ZNF616: variants seen among roughly 807,000 people sequenced by gnomAD.
The protein encoded by ZNF616 is zinc finger protein 616.
ZNF616 carries 5 observed loss-of-function variants against 7.6 expected under a neutral mutation model. The observed-to-expected ratio is 0.66, with a 90% CI of 0.34 to 1.38. The LOEUF (loss-of-function observed/expected upper bound fraction) is 1.38. ZNF616 is among the 40% of genes most tolerant of loss of function. ZNF616 has a pLI of 0.04. For synonymous variants in ZNF616, 319 were observed against 317.2 expected (o/e 1.01, Z -0.06); for missense variants, 913 against 948.3 (o/e 0.96, Z 0.49).
In ZNF616 at chr19:52,115,226, G is replaced by C. The variant is rs1484643320; in HGVS notation, c.1938C>G (p.Val646=). The change falls in exon 4 of 4, where the codon GTC becomes GTG. Residue 646 remains valine (V), a synonymous_variant. Coordinates refer to ENST00000600228, the MANE Select transcript of ZNF616 (RefSeq NM_178523.5). ...NQCGNSFSQR[V]HLRLHQTVHT... ...GAACAGTCTGATGAAGTCTAAGATG[G>C]ACACGCTGACTAAAGGAATTCCCAC... The C allele has an allele frequency of 1.2e-6, 2 of 1,614,098 alleles. No individual in the cohort carries two copies. The highest frequency in any genetic ancestry group is 4.5e-5 in the East Asian group (2 of 44,864).
At position 52,133,075 on chromosome 19, in the gene ZNF616, T is replaced by C. The variant is rs552766581; in HGVS notation, c.-76-2487A>G. On this transcript the variant is annotated intron_variant, in intron 1 of 3. Transcript: ENST00000600228. The stretch of plus-strand genomic sequence containing the variant: ...TTGGATTTAGAAATGGGGAGGTCAC[T>C]GGTGACTCTGAAAAATAAAGTTATC... Among the ~76,000 whole-genome samples, 4 of 152,334 alleles carry C rather than the reference T, an allele frequency of 2.6e-5. No homozygotes were observed. The South Asian group carries it at 8.3e-4, about 32-fold the overall frequency.
chr19:52,123,409 G>A (rs2088879822), intron 3 of ZNF616, among the ~76,000 whole-genome samples: 4 of 152,044 alleles, frequency 2.6e-5, no homozygotes, highest in African/African-American at 7.2e-5. Flanking sequence ...CAGCACTCTG[G>A]GGTGCCAAGA....
At chr19:52,127,060 T>TC (rs2088915176) in intron 2 of ZNF616, among the ~76,000 whole-genome samples, 1 of 146,900 alleles carries the variant, frequency 6.8e-6, no homozygotes, top group Non-Finnish European at 1.5e-5. Context: ...ATGTGGGAAT[T>TC]TTTTTTTTTT....
Position 52,139,446 on chromosome 19 carries a change from T to C in ZNF616, c.-77+286A>G, listed in dbSNP as rs1367473337. Among the ~76,000 whole-genome samples, 5 of 151,992 alleles carry C rather than the reference T, an allele frequency of 3.3e-5. No individual in the cohort carries two copies. Reference sequence around the variant, plus strand: ...CTCAGGACAGGGAGGGTCTGCAGAATCCCAGGACCTGGGAGAAGAAGCGGC... The same window carrying C: ...CTCAGGACAGGGAGGGTCTGCAGAACCCCAGGACCTGGGAGAAGAAGCGGC... On this transcript the variant is annotated intron_variant, in intron 1 of 3. Coordinates refer to ENST00000600228, the MANE Select transcript of ZNF616 (RefSeq NM_178523.5). This position sits in a 1 kb window ranked among gnomAD's most constrained non-coding sequence, Gnocchi z 4.1.
rs368336234 is a variant in ZNF616 at position 52,115,481 on chromosome 19, A to G, written c.1683T>C (p.Cys561=). 1.2e-6 allele frequency: 2 copies of G among 1,614,190 alleles called. No individual in the cohort carries two copies. The highest frequency in any genetic ancestry group is 1.7e-6 in the Non-Finnish European group (2 of 1,180,032). The part of the protein sequence containing the change: ...CKECGKVFSQ[C]SRLTVHRRIH... ...TTCTCCGATGCACTGTAAGACGTGA[A>G]CATTGACTGAAGACCTTGCCACATT... The change falls in exon 4 of 4, where the codon TGT becomes TGC. Residue 561 remains cysteine (C), a synonymous_variant. Coordinates refer to ENST00000600228, the MANE Select transcript of ZNF616 (RefSeq NM_178523.5).
At chr19:52,124,070 C>CA (rs772696137) in intron 2 of ZNF616, 21 bp from the exon 3 acceptor site, 2 of 1,584,100 alleles carry the variant, frequency 1.3e-6, no homozygotes, top group Non-Finnish European at 1.7e-6. Flanking sequence ...AAACACATTT[C>CA]AAAAAGAAGC....
In ZNF616 at chr19:52,130,717, T is replaced by G. The variant is rs182627145; in HGVS notation, c.-76-129A>C. ...CACTGCACCAGGGGGGATGCAAGAA[T>G]AATAAATTCCTACACAAAGACCAAG... is the stretch of plus-strand genomic sequence containing the variant. On this transcript the variant is annotated intron_variant, in intron 1 of 3. Transcript: ENST00000600228. 11 of 647,706 alleles carry G rather than the reference T, an allele frequency of 1.7e-5. No homozygotes were observed. In the Admixed American group the frequency reaches 3.3e-4, roughly 20 times the overall value. 40.1% of individuals were successfully genotyped at this position (647,706 alleles called of 1,614,324 possible).
At chr19:52,126,249 C>T (rs1015866540) in intron 2 of ZNF616, among the ~76,000 whole-genome samples, 3 of 152,146 alleles carry the variant, frequency 2.0e-5, no homozygotes, top group Non-Finnish European at 2.9e-5. Context: ...AAATGTGGGC[C>T]GGGCATGATT....
intron 3 of ZNF616, among the ~76,000 whole-genome samples, chr19:52,118,179 A>T (rs575507594): frequency 6.6e-5 from 10 of 152,290 alleles, no homozygotes; most frequent in African/African-American, 2.4e-4. Context: ...TCCTGAGGTC[A>T]AGCAACCTGC....
chr19:52,116,255 C>T lies in ZNF616; in HGVS notation c.909G>A (p.Gly303=), dbSNP rs1275863164. The T allele has an allele frequency of 3.1e-6, 5 of 1,613,804 alleles. No homozygotes were observed. Among genetic ancestry groups the T allele is most frequent in the African/African-American group, 2.7e-5 (2 of 74,864 alleles). The change falls in exon 4 of 4, where the codon GGG becomes GGA. Residue 303 remains glycine (G), a synonymous_variant. Transcript: ENST00000600228. ...GATGGACACGCTGACTAAAGGATTT[C>T]CCACACAGATTACATTTGTAAGGTT... is the stretch of plus-strand genomic sequence containing the variant. ...GEKPYKCNLC[G]KSFSQRVHLR... is the part of the protein sequence containing the mutation.
intron 1 of ZNF616, among the ~76,000 whole-genome samples, chr19:52,133,756 G>A (rs2088983130): frequency 6.6e-6 from 1 of 151,996 alleles, no homozygotes; most frequent in Non-Finnish European, 1.5e-5. Context: ...CAGGTGATCC[G>A]CCCGCCTCGG....
intron 2 of ZNF616, among the ~76,000 whole-genome samples, chr19:52,126,899 A>G (rs2088913547): frequency 6.6e-6 from 1 of 152,246 alleles, no homozygotes; most frequent in African/African-American, 2.4e-5. Flanking sequence ...TATATCTAAC[A>G]TTACTGAACT....
At chr19:52,136,144 C>G (rs868772869) in intron 1 of ZNF616, among the ~76,000 whole-genome samples, 1,485 of 52,950 alleles carry the variant, frequency 0.028, 13 homozygotes, top group South Asian at 0.051. Flanking sequence ...AAAAAAAAAG[C>G]GGGGGGGGGA....
In ZNF616 at chr19:52,137,074, T is replaced by C. The variant is rs903823547; in HGVS notation, c.-77+2658A>G. ...ATGTGTATATATATATATATATATA[T>C]ACAGAGTGTGTGTGTGTATATTTAT... On this transcript the variant is annotated intron_variant, in intron 1 of 3. Transcript: ENST00000600228. Among the ~76,000 whole-genome samples, 29 of 142,840 alleles carry C rather than the reference T, an allele frequency of 2.0e-4. 1 individual carries two copies. Among genetic ancestry groups the C allele is most frequent in the South Asian group, 1.1e-3 (5 of 4,472 alleles). The allele number at this position is 142,840 out of a possible 152,430, so 93.7% of individuals were successfully genotyped here. A position where few individuals can be genotyped will look rare whatever the true frequency, so the allele number is the denominator to read the frequency against.
chr19:52,119,653 C>G (rs949200906), intron 3 of ZNF616, among the ~76,000 whole-genome samples: 1 of 151,980 alleles, frequency 6.6e-6, no homozygotes, highest in African/African-American at 2.4e-5. Flanking sequence ...TCACCAGGAA[C>G]AGTTAAAATC....
At position 52,125,199 on chromosome 19, in the gene ZNF616, T is replaced by C. The variant is rs1029830933; in HGVS notation, c.13-1150A>G. 5.9e-5 allele frequency among the ~76,000 whole-genome samples: 9 copies of C among 152,324 alleles called. No individual in the cohort carries two copies. In the East Asian group the frequency reaches 1.7e-3, roughly 29 times the overall value. ...CAATGGCCCCCCAAAGTCTTAACTT[T>C]TTCTACTACCAATTCAAAAGTCTAT... On this transcript the variant is annotated intron_variant, in intron 2 of 3. Coordinates refer to ENST00000600228, the MANE Select transcript of ZNF616 (RefSeq NM_178523.5).
chr19:52,128,310 T>C (rs986480965), intron 2 of ZNF616, among the ~76,000 whole-genome samples: 2 of 152,228 alleles, frequency 1.3e-5, no homozygotes, highest in African/African-American at 2.4e-5. Context: ...CATTATTTTG[T>C]GGAAATCAAA....
chr19:52,115,215 A>T lies in ZNF616; in HGVS notation c.1949T>A (p.Leu650His). 1.2e-6 allele frequency: 2 copies of T among 1,614,176 alleles called. No homozygotes were observed. The highest frequency in any genetic ancestry group is 8.5e-7 in the Non-Finnish European group (1 of 1,180,036). The stretch of plus-strand genomic sequence containing the variant: ...GTCTCCAGTATGAACAGTCTGATGA[A>T]GTCTAAGATGGACACGCTGACTAAA... ...NSFSQRVHLR[L>H]HQTVHTGDRP... The change falls in exon 4 of 4, where the codon CTT (leucine) becomes CAT (histidine). Residue 650 changes from leucine to histidine, a missense_variant. Leu to His is a moderately conservative substitution (Grantham distance 99). Coordinates refer to ENST00000600228, the MANE Select transcript of ZNF616 (RefSeq NM_178523.5).
rs1340217362 is a variant in ZNF616 at position 52,114,803 on chromosome 19, A to C, written c.*15T>G. 6.5e-7 allele frequency: 1 copy of C among 1,538,102 alleles called. No homozygotes were observed. Reference sequence around the variant, plus strand: ...AGTAGGAATTATTCGGTGATTCCAGAAACTAGGACAACGTCTAAGGCCTTG... The same window carrying C: ...AGTAGGAATTATTCGGTGATTCCAGCAACTAGGACAACGTCTAAGGCCTTG... On this transcript the variant is annotated 3_prime_UTR_variant, in exon 4 of 4. Coordinates refer to ENST00000600228, the MANE Select transcript of ZNF616 (RefSeq NM_178523.5).
Sources: allele counts gnomAD v4.1 joint callset (sites outside exome capture counted in the v4.1 genomes callset), GRCh38; gene constraint gnomAD v4.1.1; non-coding constraint Gnocchi (gnomAD v3.1); transcripts MANE v1.5; gene names NCBI Gene and HGNC (gene_info 2026-07-23, HGNC 2026-07-21).